SHANK2: variants seen among roughly 807,000 people sequenced by gnomAD.
SHANK2 encodes the protein SH3 and multiple ankyrin repeat domains protein 2.
SHANK2 carries 43 observed loss-of-function variants against 133.7 expected under a neutral mutation model. That is an observed-to-expected ratio of 0.32 (90% CI 0.25 to 0.41). The LOEUF is 0.41. Ranked by LOEUF, SHANK2 falls within the 10% of genes least tolerant of loss-of-function variation. SHANK2 has a pLI of 1.00. For synonymous variants in SHANK2, 1,017 were observed against 952.8 expected, an observed-to-expected ratio of 1.07 and a Z score of -1.24; for missense variants, 1,994 against 2,235.8, an observed-to-expected ratio of 0.89 and a Z score of 2.18.
intron 2 of SHANK2, among the ~76,000 whole-genome samples, chr11:71,173,275 T>C (rs1025041225): frequency 2.6e-5 from 4 of 152,246 alleles, no homozygotes; most frequent in African/African-American, 9.6e-5. Flanking sequence ...GATTCCAGTA[T>C]AGGTTTCTCC....
At chr11:70,911,617 G>T (rs1449876880) in intron 10 of SHANK2, among the ~76,000 whole-genome samples, 2 of 152,106 alleles carry the variant, frequency 1.3e-5, no homozygotes, top group African/African-American at 2.4e-5. Context: ...CCAGAGGGTG[G>T]AAAAAGGCAG....
intron 3 of SHANK2, among the ~76,000 whole-genome samples, chr11:71,139,403 AATG>A (rs1952509450): frequency 6.6e-6 from 1 of 152,002 alleles, no homozygotes; most frequent in Non-Finnish European, 1.5e-5. Flanking sequence ...CCTTATGTTA[AATG>A]ATGAGTTAAT....
At chr11:70,935,820 C>T (rs557991670) in intron 10 of SHANK2, among the ~76,000 whole-genome samples, 22 of 152,254 alleles carry the variant, frequency 1.4e-4, no homozygotes, top group Admixed American at 2.0e-4. Context: ...AAAAGCATAG[C>T]GACTCTTTGC....
At chr11:71,124,859 A>G (rs2135298131) in intron 3 of SHANK2, among the ~76,000 whole-genome samples, 1 of 152,318 alleles carries the variant, frequency 6.6e-6, no homozygotes, top group South Asian at 2.1e-4. Flanking sequence ...CCGCAACGAG[A>G]AAATCTATCG....
chr11:70,539,263 G>A (rs7947188), intron 17 of SHANK2, among the ~76,000 whole-genome samples: 8,696 of 152,278 alleles, frequency 0.057, 584 homozygotes, highest in African/African-American at 0.16. Flanking sequence ...CCACACGCGG[G>A]CCTGGCATGA....
chr11:70,773,102 G>T (rs1163101821), intron 14 of SHANK2, among the ~76,000 whole-genome samples: 1 of 152,166 alleles, frequency 6.6e-6, no homozygotes, highest in Non-Finnish European at 1.5e-5. Flanking sequence ...GAGCTGCCAA[G>T]AGCTGAACCA....
chr11:71,166,315 G>C (rs1452894154), intron 2 of SHANK2, among the ~76,000 whole-genome samples: 1 of 152,188 alleles, frequency 6.6e-6, no homozygotes, highest in East Asian at 1.9e-4. Flanking sequence ...AAGAGAATTT[G>C]AGCACTGGAA....
intron 12 of SHANK2, among the ~76,000 whole-genome samples, chr11:70,811,815 A>T (rs972061603): frequency 6.6e-6 from 1 of 151,772 alleles, no homozygotes; most frequent in African/African-American, 2.4e-5. Context: ...CCATCTACCC[A>T]TCCATCCACC....
chr11:70,519,275 A>G (rs2059301342), intron 17 of SHANK2, among the ~76,000 whole-genome samples: 1 of 152,214 alleles, frequency 6.6e-6, no homozygotes, highest in Admixed American at 6.5e-5. Context: ...TGTATGTGAG[A>G]AGGCCCAGAT....
intron 14 of SHANK2, among the ~76,000 whole-genome samples, chr11:70,727,193 C>G (rs1946195688): frequency 1.3e-5 from 2 of 152,246 alleles, no homozygotes; most frequent in Non-Finnish European, 2.9e-5. Flanking sequence ...ACAAATCTTG[C>G]CTCTGGCACG....
At chr11:70,868,773 C>T (rs1949413040) in intron 11 of SHANK2, among the ~76,000 whole-genome samples, 1 of 152,226 alleles carries the variant, frequency 6.6e-6, no homozygotes, top group Non-Finnish European at 1.5e-5. Context: ...CCTGTTTGGA[C>T]ACAACATGCG....
intron 8 of SHANK2, among the ~76,000 whole-genome samples, chr11:71,077,625 C>T (rs1177248122): frequency 2.0e-5 from 3 of 151,906 alleles, no homozygotes; most frequent in African/African-American, 7.3e-5. Flanking sequence ...AGTGTCATTT[C>T]GGCTAGTCTC....
At chr11:71,157,626 T>G (rs568640856) in intron 2 of SHANK2, among the ~76,000 whole-genome samples, 1 of 152,346 alleles carries the variant, frequency 6.6e-6, no homozygotes, top group South Asian at 2.1e-4. Context: ...AGTGGGTTTC[T>G]GTCCAGGCTG....
At chr11:70,954,950 G>C (rs1389367776) in intron 10 of SHANK2, among the ~76,000 whole-genome samples, 8 of 152,218 alleles carry the variant, frequency 5.3e-5, no homozygotes, top group Non-Finnish European at 2.9e-5. Flanking sequence ...GGACCACATG[G>C]AAAGGGCTCA....
chr11:70,902,652 C>A (rs1217113615), intron 10 of SHANK2, among the ~76,000 whole-genome samples: 6 of 151,274 alleles, frequency 4.0e-5, no homozygotes, highest in African/African-American at 1.5e-4. Context: ...GATGAGGGCA[C>A]CACAGGATTT....
intron 17 of SHANK2, among the ~76,000 whole-genome samples, chr11:70,638,231 C>T (rs782494485): frequency 2.0e-5 from 3 of 152,252 alleles, no homozygotes; most frequent in Non-Finnish European, 4.4e-5. Context: ...AATGAGACCA[C>T]GGACTGCCGG....
intron 10 of SHANK2, chr11:70,943,149 C>T: frequency 2.2e-6 from 1 of 451,730 alleles, no homozygotes. Context: ...TCTCACCTGG[C>T]TGGAGAGACA....
At chr11:70,546,582 G>C (rs1390225537) in intron 17 of SHANK2, among the ~76,000 whole-genome samples, 1 of 152,136 alleles carries the variant, frequency 6.6e-6, no homozygotes, top group Non-Finnish European at 1.5e-5. Flanking sequence ...TCAAGATCGA[G>C]ACCCTCCCAG....
chr11:71,174,836 A>G (rs1384742421), intron 2 of SHANK2: 2 of 152,216 alleles, frequency 1.3e-5, no homozygotes, highest in Non-Finnish European at 2.9e-5. Flanking sequence ...TGGGCAACAG[A>G]GTGTGATCCT....
Sources: allele counts gnomAD v4.1 joint callset (sites outside exome capture counted in the v4.1 genomes callset), GRCh38; gene constraint gnomAD v4.1.1; transcripts MANE v1.5; gene names NCBI Gene and HGNC (gene_info 2026-07-23, HGNC 2026-07-21).